The following KLHL29 variants were observed in gnomAD, a reference collection of about 807,000 sequenced individuals.
The protein encoded by KLHL29 is kelch like family member 29.
A neutral mutation model predicts 80.4 loss-of-function variants in KLHL29; 21 were observed. The observed-to-expected ratio is 0.26, with a 90% CI of 0.19 to 0.38. The LOEUF (loss-of-function observed/expected upper bound fraction) is 0.38. Ranked by LOEUF, KLHL29 falls within the 10% of genes least tolerant of loss-of-function variation. The probability of loss-of-function intolerance (pLI) is 1.00; values close to 1 mark genes in which losing one functional copy is unlikely to be tolerated. For missense variants in KLHL29, 867 were observed against 1,223.9 expected (o/e 0.71, Z 4.35); for synonymous variants, 511 against 526.8 (o/e 0.97, Z 0.41).
At chr2:23,441,547 C>A (rs1211526399) in intron 1 of KLHL29, among the ~76,000 whole-genome samples, 3 of 151,488 alleles carry the variant, frequency 2.0e-5, no homozygotes, top group Non-Finnish European at 4.4e-5. Context: ...CCTAAAAGAA[C>A]AACATTTATT....
chr2:23,564,516 T>C (rs1438490188), intron 3 of KLHL29, among the ~76,000 whole-genome samples: 1 of 152,226 alleles, frequency 6.6e-6, no homozygotes, highest in African/African-American at 2.4e-5. Context: ...GATTAAGCCC[T>C]GGTCCCTTGG....
chr2:23,657,382 T>C (rs960751647), intron 5 of KLHL29, among the ~76,000 whole-genome samples: 1 of 152,220 alleles, frequency 6.6e-6, no homozygotes, highest in Non-Finnish European at 1.5e-5. Flanking sequence ...ATTGATTTAT[T>C]TGGGCACATA....
chr2:23,391,571 G>C (rs1666323583), intron 1 of KLHL29, among the ~76,000 whole-genome samples: 1 of 152,112 alleles, frequency 6.6e-6, no homozygotes, highest in African/African-American at 2.4e-5. Context: ...GAGTAGCTGG[G>C]ATTACAGGCA....
chr2:23,495,099 A>C (rs1229488638), intron 2 of KLHL29, among the ~76,000 whole-genome samples: 1 of 151,956 alleles, frequency 6.6e-6, no homozygotes, highest in East Asian at 1.9e-4. Context: ...GGCCTCAAGC[A>C]ATTTTCTCGA....
chr2:23,588,978 C>T (rs1668185863), intron 3 of KLHL29, among the ~76,000 whole-genome samples: 1 of 152,274 alleles, frequency 6.6e-6, no homozygotes, highest in African/African-American at 2.4e-5. Context: ...CACTGCCTCA[C>T]TCACGCGTCA....
chr2:23,573,704 C>T lies in KLHL29; in HGVS notation c.285+11223C>T, dbSNP rs534208479. On this transcript the variant is annotated intron_variant, in intron 3 of 13. Coordinates refer to ENST00000486442, the MANE Select transcript of KLHL29 (RefSeq NM_052920.2). ...CCCAGACCTCATAAACAGCCAGCTG[C>T]AGTCCTCTTCATTTTTTGTCTGATC... 3.2e-3 allele frequency among the ~76,000 whole-genome samples: 492 copies of T among 152,332 alleles called. 2 individuals are homozygous for T. Among genetic ancestry groups the T allele is most frequent in the Admixed American group, 4.9e-3 (75 of 15,304 alleles).
chr2:23,594,240 G>A (rs894095215), intron 3 of KLHL29, among the ~76,000 whole-genome samples: 6 of 152,130 alleles, frequency 3.9e-5, no homozygotes, highest in Non-Finnish European at 2.9e-5. Flanking sequence ...TGGCTTCATG[G>A]AACATGCAGC....
intron 5 of KLHL29, among the ~76,000 whole-genome samples, chr2:23,648,693 G>T (rs950153809): frequency 6.6e-6 from 1 of 152,212 alleles, no homozygotes; most frequent in African/African-American, 2.4e-5. Flanking sequence ...GCCGGGGCCA[G>T]GTCCTCCATG....
intron 2 of KLHL29, among the ~76,000 whole-genome samples, chr2:23,548,794 C>T (rs1667050048): frequency 6.6e-6 from 1 of 152,198 alleles, no homozygotes; most frequent in African/African-American, 2.4e-5. Flanking sequence ...GCTGATGCAA[C>T]CATCATTATT....
At chr2:23,488,856 C>A (rs115747440) in intron 2 of KLHL29, among the ~76,000 whole-genome samples, 1 of 152,170 alleles carries the variant, frequency 6.6e-6, no homozygotes, top group Non-Finnish European at 1.5e-5. Flanking sequence ...TAATGCAAAG[C>A]CATCTACCTC....
At chr2:23,573,116 C>T (rs372460083) in intron 3 of KLHL29, among the ~76,000 whole-genome samples, 2 of 152,314 alleles carry the variant, frequency 1.3e-5, no homozygotes, top group East Asian at 3.9e-4. Context: ...GTCGGGGGCG[C>T]AGATTTTACA....
chr2:23,685,527 G>A (rs1407554185), intron 6 of KLHL29: 1 of 152,322 alleles, frequency 6.6e-6, no homozygotes, highest in Non-Finnish European at 1.5e-5. Context: ...CGGAGTGACT[G>A]TGTTTTGTTT....
intron 2 of KLHL29, among the ~76,000 whole-genome samples, chr2:23,552,287 G>A (rs984023289): frequency 6.6e-6 from 1 of 152,238 alleles, no homozygotes; most frequent in Non-Finnish European, 1.5e-5. Flanking sequence ...CATGCTGGCT[G>A]TGCGCGTGGC....
chr2:23,543,378 TC>T (rs879620790), intron 2 of KLHL29, among the ~76,000 whole-genome samples: 3 of 152,210 alleles, frequency 2.0e-5, no homozygotes, highest in Non-Finnish European at 4.4e-5. Context: ...GAAAAGTCCC[TC>T]CCCGGGATGT....
intron 2 of KLHL29, among the ~76,000 whole-genome samples, chr2:23,555,343 TAGG>T (rs1667258839): frequency 6.6e-6 from 1 of 152,150 alleles, no homozygotes; most frequent in Middle Eastern, 3.2e-3. Flanking sequence ...GGAGAAGCCT[TAGG>T]AGGGAGCCAA....
At chr2:23,576,287 A>G (rs1330172479) in intron 3 of KLHL29, among the ~76,000 whole-genome samples, 2 of 138,550 alleles carry the variant, frequency 1.4e-5, no homozygotes, top group Non-Finnish European at 3.1e-5. Context: ...CCTGGGCAAC[A>G]GAGCAAGACT....
At chr2:23,458,923 G>A (rs533524612) in intron 1 of KLHL29, among the ~76,000 whole-genome samples, 58 of 152,172 alleles carry the variant, frequency 3.8e-4, no homozygotes, top group Non-Finnish European at 6.3e-4. Context: ...AAACAGGATC[G>A]GATTTGCACT....
chr2:23,698,308 G>T (rs556668216), intron 11 of KLHL29, among the ~76,000 whole-genome samples: 1 of 152,350 alleles, frequency 6.6e-6, no homozygotes, highest in South Asian at 2.1e-4. Flanking sequence ...CAGGATGCAG[G>T]CTTGAAGACC....
At chr2:23,616,655 C>T (rs1669013733) in intron 3 of KLHL29, 1 of 152,152 alleles carries the variant, frequency 6.6e-6, no homozygotes, top group Non-Finnish European at 1.5e-5. Context: ...GGCTTGGCAC[C>T]CATCATTCTT....
Sources: allele counts gnomAD v4.1 joint callset (sites outside exome capture counted in the v4.1 genomes callset), GRCh38; gene constraint gnomAD v4.1.1; transcripts MANE v1.5; gene names NCBI Gene and HGNC (gene_info 2026-07-23, HGNC 2026-07-21).